Variants in TFAM observed in about 807,000 individuals in gnomAD.
TFAM encodes mitochondrial transcription factor 1.
In TFAM, 13 loss-of-function variants were observed where a neutral mutation model predicts 30.6. That is an observed-to-expected ratio of 0.42 (90% CI 0.28 to 0.67). TFAM has a LOEUF of 0.67. TFAM is among the 30% of genes least tolerant of loss of function. The pLI is 0.21. For missense variants in TFAM, 231 were observed against 293.7 expected (o/e 0.79, Z 1.56); for synonymous variants, 106 against 94.8 (o/e 1.12, Z -0.69).
intron 2 of TFAM, among the ~76,000 whole-genome samples, chr10:58,387,113 T>TGA (rs1200060879): frequency 1.3e-5 from 2 of 151,744 alleles, no homozygotes; most frequent in African/African-American, 4.8e-5. Context: ...AATACAAAAA[T>TGA]GAGGTGGGCA....
chr10:58,392,237 T>TC (rs1256391357), intron 5 of TFAM, among the ~76,000 whole-genome samples: 1 of 152,196 alleles, frequency 6.6e-6, no homozygotes, highest in African/African-American at 2.4e-5. Context: ...AATGTCTGTA[T>TC]CCTCACATTC....
Position 58,395,271 on chromosome 10 carries a change from T to C in TFAM, c.*197T>C. 1 of 587,176 alleles carries C rather than the reference T, an allele frequency of 1.7e-6. No individual in the cohort carries two copies. The highest frequency in any genetic ancestry group is 3.0e-6 in the Non-Finnish European group (1 of 335,174). The allele number at this position is 587,176 out of a possible 1,614,324, so 36.4% of individuals were successfully genotyped here. ...CCCAGATAAAGGTTCATGCAAACTT[T>C]ATTTTGTGTTTAGGAACTACTGAGG... On this transcript the variant is annotated 3_prime_UTR_variant, in exon 7 of 7. Transcript: ENST00000487519.
chr10:58,390,733 C>G (rs1189876274), intron 4 of TFAM, 32 bp from the exon 5 acceptor site: 1 of 1,543,780 alleles, frequency 6.5e-7, no homozygotes, highest in Non-Finnish European at 8.9e-7. Context: ...GAGGTTAACA[C>G]TATTTTTGAC....
In TFAM at chr10:58,388,559, C is replaced by G. The variant is rs1041747476; in HGVS notation, c.292-111C>G. On this transcript the variant is annotated intron_variant, in intron 3 of 6. Coordinates refer to ENST00000487519, the MANE Select transcript of TFAM (RefSeq NM_003201.3). The stretch of plus-strand genomic sequence containing the variant: ...TCTCATCCCAGAGCACATTTTCCAC[C>G]TGGTGATAAAATCTGTCTGTCTGAA... The G allele has an allele frequency of 3.0e-5, 35 of 1,174,420 alleles. No individual in the cohort carries two copies. In the African/African-American group the frequency reaches 5.0e-4, roughly 17 times the overall value. The allele number at this position is 1,174,420 out of a possible 1,614,324, so 72.7% of individuals were successfully genotyped here. A position where few individuals can be genotyped will look rare whatever the true frequency, so the allele number is the denominator to read the frequency against.
Position 58,395,190 on chromosome 10 carries a change from AGT to A in TFAM, c.*117_*118del. 1 of 1,093,468 alleles carries A rather than the reference AGT, an allele frequency of 9.1e-7. No individual in the cohort carries two copies. Among genetic ancestry groups the A allele is most frequent in the African/African-American group, 1.6e-5 (1 of 63,874 alleles). 67.7% of individuals were successfully genotyped at this position (1,093,468 alleles called of 1,614,324 possible). On this transcript the variant is annotated 3_prime_UTR_variant, in exon 7 of 7. Transcript: ENST00000487519. ...TAAAGTTGGTAAACCTTTTATATTT[AGT>A]ATCTTTTTATTCAGCTCATGGACTT... is the stretch of plus-strand genomic sequence containing the variant.
intron 6 of TFAM, 65 bp from the exon 7 acceptor site, chr10:58,394,863 A>G (rs1305850462): frequency 2.0e-6 from 3 of 1,492,414 alleles, no homozygotes; most frequent in Admixed American, 3.8e-5. Flanking sequence ...ATTAATTGCT[A>G]TTTTAAATAA....
chr10:58,387,485 T>C (rs781281794), intron 2 of TFAM, among the ~76,000 whole-genome samples: 17 of 152,240 alleles, frequency 1.1e-4, no homozygotes, highest in Non-Finnish European at 2.4e-4. Flanking sequence ...ATTTCTGTTA[T>C]TGAAATACGA....
At chr10:58,391,448 G>A (rs567342200) in intron 5 of TFAM, among the ~76,000 whole-genome samples, 11 of 152,186 alleles carry the variant, frequency 7.2e-5, no homozygotes, top group Admixed American at 5.2e-4. Context: ...GTTTAGATCC[G>A]TAACCCATGT....
intron 2 of TFAM, among the ~76,000 whole-genome samples, chr10:58,387,759 G>A (rs147422800): frequency 3.3e-5 from 5 of 151,958 alleles, no homozygotes; most frequent in Non-Finnish European, 5.9e-5. Context: ...GCGAAACCCC[G>A]TCTCTACAAA....
intron 3 of TFAM, 112 bp downstream of exon 3, chr10:58,388,372 C>A: frequency 1.1e-6 from 1 of 936,132 alleles, no homozygotes; most frequent in Non-Finnish European, 1.7e-6. Context: ...AATCTGTTAT[C>A]TACAAAGAAA....
Position 58,395,354 on chromosome 10 carries a change from T to C in TFAM, c.*280T>C. On this transcript the variant is annotated 3_prime_UTR_variant, in exon 7 of 7. Transcript: ENST00000487519. ...TACCTTTGACAAAGGTAAATCAGAC[T>C]ATGAAGTTTTTTTTATACAGGATGA... 1 of 406,452 alleles carries C rather than the reference T, an allele frequency of 2.5e-6. No homozygotes were observed. Among genetic ancestry groups the C allele is most frequent in the Non-Finnish European group, 4.5e-6 (1 of 222,236 alleles). 25.2% of individuals were successfully genotyped at this position (406,452 alleles called of 1,614,324 possible).
At chr10:58,392,286 A>G (rs1022821284) in intron 5 of TFAM, among the ~76,000 whole-genome samples, 3 of 152,216 alleles carry the variant, frequency 2.0e-5, no homozygotes, top group Non-Finnish European at 2.9e-5. Context: ...TTTGGAAAAC[A>G]TATTTCTTCA....
At chr10:58,390,726 G>T (rs748653403) in intron 4 of TFAM, 39 bp from the exon 5 acceptor site, 1 of 1,498,420 alleles carries the variant, frequency 6.7e-7, no homozygotes, top group South Asian at 1.1e-5. Context: ...TCTCATGGAG[G>T]TTAACACTAT....
At chr10:58,393,003 G>A (rs966724660) in intron 5 of TFAM, among the ~76,000 whole-genome samples, 6 of 150,312 alleles carry the variant, frequency 4.0e-5, no homozygotes, top group Non-Finnish European at 8.9e-5. Context: ...TTTTTGAGTC[G>A]GAGTCTCACT....
chr10:58,386,155 A>G, intron 1 of TFAM, 65 bp from the exon 2 acceptor site: 1 of 1,028,042 alleles, frequency 9.7e-7, no homozygotes, highest in Non-Finnish European at 1.5e-6. Flanking sequence ...ATCTGTGTTC[A>G]TATACATGTG....
chr10:58,394,008 T>A (rs1270218292), intron 5 of TFAM, among the ~76,000 whole-genome samples: 1 of 152,214 alleles, frequency 6.6e-6, no homozygotes, highest in Admixed American at 6.5e-5. Flanking sequence ...GTAGACTTAC[T>A]GGACTTGTGC....
At chr10:58,388,584 A>G in intron 3 of TFAM, 86 bp from the exon 4 acceptor site, 1 of 1,403,310 alleles carries the variant, frequency 7.1e-7, no homozygotes, top group Non-Finnish European at 1.0e-6. Context: ...GTCTGTCTGA[A>G]GTCATGCAGT....
Position 58,398,346 on chromosome 10 carries a change from A to T in TFAM, c.*3272A>T, listed in dbSNP as rs549525802. On this transcript the variant is annotated 3_prime_UTR_variant, in exon 7 of 7. Coordinates refer to ENST00000487519, the MANE Select transcript of TFAM (RefSeq NM_003201.3). ...AGGGTGTATACTGTCATGAATAGGC[A>T]TACAGTAGTTTTTATACTTTTGTTC... The T allele has an allele frequency of 1.3e-5, 2 of 152,360 alleles. No homozygotes were observed. Among genetic ancestry groups the T allele is most frequent in the Admixed American group, 1.3e-4 (2 of 15,306 alleles). The allele number at this position is 152,360 out of a possible 1,614,324, so 9.4% of individuals were successfully genotyped here.
intron 2 of TFAM, among the ~76,000 whole-genome samples, chr10:58,387,342 T>C (rs1840509390): frequency 6.6e-6 from 1 of 152,172 alleles, no homozygotes; most frequent in South Asian, 2.1e-4. Flanking sequence ...AGTACCCACA[T>C]CTTTTAAATG....
Sources: gnomAD v4.1 joint callset for allele counts (sites outside exome capture counted in the v4.1 genomes callset) on GRCh38, gnomAD v4.1.1 for gene constraint, MANE v1.5 for transcripts, NCBI Gene and HGNC (gene_info 2026-07-23, HGNC 2026-07-21) for gene names.